CCSER1: variants seen among roughly 807,000 people sequenced by gnomAD.
CCSER1 encodes serine-rich coiled-coil domain-containing protein 1.
A neutral mutation model predicts 82.0 loss-of-function variants in CCSER1; 41 were observed. The observed-to-expected ratio is 0.50, with a 90% CI of 0.39 to 0.65. The LOEUF (loss-of-function observed/expected upper bound fraction) is 0.65, where lower values mean the gene tolerates loss of function less well. Ranked by LOEUF, CCSER1 falls within the 30% of genes least tolerant of loss-of-function variation. The pLI is 0.00. For missense variants in CCSER1, 1,119 were observed against 1,064.2 expected (o/e 1.05, Z -0.72); for synonymous variants, 414 against 383.9 (o/e 1.08, Z -0.92).
intron 1 of CCSER1, among the ~76,000 whole-genome samples, chr4:90,252,371 T>C (rs1246233497): frequency 1.3e-5 from 2 of 151,968 alleles, no homozygotes; most frequent in Non-Finnish European, 2.9e-5. Flanking sequence ...ATTTTCTTCT[T>C]CATTAATCTC....
chr4:90,890,641 TG>T (rs1214088032), intron 8 of CCSER1, among the ~76,000 whole-genome samples: 1 of 152,170 alleles, frequency 6.6e-6, no homozygotes, highest in Non-Finnish European at 1.5e-5. Context: ...AGCTTTCCTG[TG>T]GGATGAAGCC....
chr4:90,502,432 A>G (rs1770036020), intron 5 of CCSER1, among the ~76,000 whole-genome samples: 1 of 152,206 alleles, frequency 6.6e-6, no homozygotes, highest in Admixed American at 6.5e-5. Context: ...CCTTCCCTTA[A>G]CATTGGGGAT....
At chr4:90,708,320 C>CCA (rs1239752514) in intron 6 of CCSER1, among the ~76,000 whole-genome samples, 1 of 152,186 alleles carries the variant, frequency 6.6e-6, no homozygotes, top group African/African-American at 2.4e-5. Context: ...GCCAACTGTA[C>CCA]AACTGCTGAG....
At chr4:91,545,979 G>A (rs1258585873) in intron 10 of CCSER1, among the ~76,000 whole-genome samples, 2 of 152,088 alleles carry the variant, frequency 1.3e-5, no homozygotes, top group Admixed American at 6.5e-5. Flanking sequence ...TTTGCTGAGT[G>A]TTGGTATCAT....
intron 1 of CCSER1, among the ~76,000 whole-genome samples, chr4:90,172,145 A>T (rs1731819418): frequency 6.6e-6 from 1 of 151,938 alleles, no homozygotes; most frequent in African/African-American, 2.4e-5. Flanking sequence ...ATGATCACAC[A>T]TGCAGTAACA....
intron 9 of CCSER1, among the ~76,000 whole-genome samples, chr4:90,983,256 G>T (rs1489759260): frequency 6.6e-6 from 1 of 151,570 alleles, no homozygotes; most frequent in Non-Finnish European, 1.5e-5. Context: ...ATCTCATGTT[G>T]TTTTTAATGA....
chr4:90,859,483 G>A (rs1257601899), intron 8 of CCSER1, among the ~76,000 whole-genome samples: 1 of 151,648 alleles, frequency 6.6e-6, no homozygotes, highest in Non-Finnish European at 1.5e-5. Flanking sequence ...AGGAATTCTG[G>A]CTTATGTAAT....
chr4:91,442,528 A>C, intron 10 of CCSER1, among the ~76,000 whole-genome samples: 1 of 134,288 alleles, frequency 7.4e-6, no homozygotes, highest in African/African-American at 2.8e-5. Flanking sequence ...CCTAGAAGAA[A>C]ACCTAGGCAT....
At chr4:90,564,325 G>C (rs1456062617) in intron 5 of CCSER1, among the ~76,000 whole-genome samples, 2 of 152,014 alleles carry the variant, frequency 1.3e-5, no homozygotes, top group Non-Finnish European at 2.9e-5. Context: ...AAAGTGCTAG[G>C]GTTGCAGGCA....
chr4:90,565,778 T>C (rs749059413), intron 5 of CCSER1, among the ~76,000 whole-genome samples: 47 of 152,216 alleles, frequency 3.1e-4, no homozygotes, highest in Non-Finnish European at 6.2e-4. Context: ...GTGGTTTTTG[T>C]CTGTCATTCT....
intron 10 of CCSER1, among the ~76,000 whole-genome samples, chr4:91,091,629 G>T (rs183832615): frequency 6.6e-6 from 1 of 152,172 alleles, no homozygotes. Context: ...AGGGCTTGTC[G>T]TCCTCCTCAG....
chr4:91,067,690 C>T (rs1351468655), intron 9 of CCSER1, among the ~76,000 whole-genome samples: 2 of 152,104 alleles, frequency 1.3e-5, no homozygotes, highest in Non-Finnish European at 2.9e-5. Flanking sequence ...GATGGTGGAG[C>T]AGGTAGATAA....
At chr4:91,350,663 C>T (rs980815910) in intron 10 of CCSER1, among the ~76,000 whole-genome samples, 13 of 152,032 alleles carry the variant, frequency 8.6e-5, no homozygotes, top group East Asian at 3.9e-4. Context: ...GACTGCAGAA[C>T]GTTGATAGTT....
At chr4:90,821,143 A>G (rs1222691326) in intron 8 of CCSER1, among the ~76,000 whole-genome samples, 1 of 152,188 alleles carries the variant, frequency 6.6e-6, no homozygotes, top group East Asian at 1.9e-4. Context: ...GTCATTACTT[A>G]TTACAGTATC....
intron 1 of CCSER1, among the ~76,000 whole-genome samples, chr4:90,207,889 C>T (rs562593882): frequency 5.8e-4 from 89 of 152,258 alleles, no homozygotes; most frequent in African/African-American, 2.1e-3. Context: ...TAGAGGGGCA[C>T]CCGCCAGATG....
chr4:91,014,777 A>G (rs1461470151), intron 9 of CCSER1, among the ~76,000 whole-genome samples: 1 of 152,212 alleles, frequency 6.6e-6, no homozygotes, highest in Non-Finnish European at 1.5e-5. Flanking sequence ...TTTTGCTAAA[A>G]ATAACAAATA....
chr4:90,205,196 C>T (rs1478990883), intron 1 of CCSER1, among the ~76,000 whole-genome samples: 1 of 152,126 alleles, frequency 6.6e-6, no homozygotes, highest in Non-Finnish European at 1.5e-5. Flanking sequence ...CTTTCTCTTG[C>T]CTGATTGCCC....
chr4:91,416,023 G>T (rs1165811620), intron 10 of CCSER1, among the ~76,000 whole-genome samples: 17 of 152,060 alleles, frequency 1.1e-4, no homozygotes, highest in Admixed American at 9.8e-4. Flanking sequence ...AATCCATCTT[G>T]TCCTGGTCTT....
intron 5 of CCSER1, among the ~76,000 whole-genome samples, chr4:90,607,510 C>T (rs999799321): frequency 6.6e-6 from 1 of 152,096 alleles, no homozygotes; most frequent in Non-Finnish European, 1.5e-5. Context: ...TTGTGGTTTT[C>T]TGGCAATCTT....
Sources: allele counts gnomAD v4.1 joint callset (sites outside exome capture counted in the v4.1 genomes callset), GRCh38; gene constraint gnomAD v4.1.1; transcripts MANE v1.5; gene names NCBI Gene and HGNC (gene_info 2026-07-23, HGNC 2026-07-21).